The following PARD3B variants were observed in gnomAD, a reference collection of about 807,000 sequenced individuals.
The protein encoded by PARD3B is par-3 family cell polarity regulator beta, also known as partitioning defective 3 homolog B.
Under a neutral mutation model 130.2 loss-of-function variants are expected in PARD3B, and 103 were observed. That is an observed-to-expected ratio of 0.79 (90% CI 0.67 to 0.93). The LOEUF (loss-of-function observed/expected upper bound fraction) is 0.93, where lower values mean the gene tolerates loss of function less well. Among genes scored for constraint, PARD3B ranks in the 40% least tolerant of loss-of-function variants. The pLI, the probability that PARD3B is intolerant of heterozygous loss-of-function variation, is 0.00. For synonymous variants in PARD3B, 583 were observed against 553.2 expected, an observed-to-expected ratio of 1.05 and a Z score of -0.76; for missense variants, 1,609 against 1,499.2, an observed-to-expected ratio of 1.07 and a Z score of -1.21.
intron 18 of PARD3B, among the ~76,000 whole-genome samples, chr2:205,381,807 G>A (rs2045460274): frequency 6.6e-6 from 1 of 152,052 alleles, no homozygotes; most frequent in South Asian, 2.1e-4. Context: ...CAGTTAATGA[G>A]TAGGAAAGGG....
Position 205,134,159 on chromosome 2 carries a change from C to T in PARD3B, c.1434+8422C>T, listed in dbSNP as rs549134401. Among the ~76,000 whole-genome samples, 3 of 152,226 alleles carry T rather than the reference C, an allele frequency of 2.0e-5. No individual in the cohort carries two copies. In the East Asian group the frequency reaches 5.8e-4, roughly 29 times the overall value. ...TCACAAAGCAACTGTGCTTAGTTTC[C>T]ATTTATCTCATTTTAAAGATGAAAG... On this transcript the variant is annotated intron_variant, in intron 10 of 22. Coordinates refer to ENST00000406610, the MANE Select transcript of PARD3B (RefSeq NM_001302769.2).
intron 2 of PARD3B, among the ~76,000 whole-genome samples, chr2:204,851,098 G>A (rs1322612314): frequency 6.6e-6 from 1 of 152,136 alleles, no homozygotes; most frequent in Admixed American, 6.6e-5. Flanking sequence ...ATAGAATGTC[G>A]ATGTTCGAAG....
intron 20 of PARD3B, among the ~76,000 whole-genome samples, chr2:205,490,433 G>C (rs981526453): frequency 9.9e-5 from 15 of 152,138 alleles, no homozygotes; most frequent in African/African-American, 1.4e-4. Flanking sequence ...TCCCTACAAA[G>C]GACATGAATT....
intron 2 of PARD3B, among the ~76,000 whole-genome samples, chr2:204,891,721 C>T (rs907241278): frequency 3.3e-5 from 5 of 152,270 alleles, no homozygotes; most frequent in South Asian, 2.1e-4. Flanking sequence ...TGGAGAGCTA[C>T]CATTTGCCAG....
intron 3 of PARD3B, among the ~76,000 whole-genome samples, chr2:205,035,798 C>CATATATATAT (rs1167207296): frequency 5.3e-5 from 1 of 18,896 alleles, no homozygotes; most frequent in Non-Finnish European, 1.3e-4. Flanking sequence ...AGATATATCT[C>CATATATATAT]ATATATATAT....
chr2:204,883,405 T>TTATATATATATATATATATATAAAATA (rs1447380815), intron 2 of PARD3B, among the ~76,000 whole-genome samples: 4 of 101,318 alleles, frequency 3.9e-5, no homozygotes, highest in African/African-American at 1.4e-4. Flanking sequence ...TATATATATA[T>TTATATATATATATATATATATAAAATA]TATATATATA....
At chr2:205,419,099 C>G (rs767806763) in intron 19 of PARD3B, among the ~76,000 whole-genome samples, 2 of 152,066 alleles carry the variant, frequency 1.3e-5, no homozygotes, top group Non-Finnish European at 2.9e-5. Flanking sequence ...TTGGCTCTCT[C>G]CCCACCCAAA....
At chr2:204,802,293 A>G (rs1235172201) in intron 2 of PARD3B, among the ~76,000 whole-genome samples, 2 of 152,194 alleles carry the variant, frequency 1.3e-5, no homozygotes, top group Non-Finnish European at 1.5e-5. Flanking sequence ...ACAATGAGAT[A>G]CCATGTCATG....
chr2:205,301,363 T>C lies in PARD3B; in HGVS notation c.2393-101T>C. ...CACATAGAAGGGTAGAACTACAGAG[T>C]GCTGTTATTCATTCTTTTGCATTTT... On this transcript the variant is annotated intron_variant, in intron 17 of 22. Transcript: ENST00000406610. The surrounding 1 kb of genome is among the most constrained non-coding windows in gnomAD (Gnocchi z 5.2). 1 of 1,516,600 alleles carries C rather than the reference T, an allele frequency of 6.6e-7. No individual in the cohort carries two copies. Among genetic ancestry groups the C allele is most frequent in the Non-Finnish European group, 8.8e-7 (1 of 1,135,896 alleles). 93.9% of individuals were successfully genotyped at this position (1,516,600 alleles called of 1,614,324 possible).
At chr2:205,240,760 T>C (rs2039316801) in intron 15 of PARD3B, among the ~76,000 whole-genome samples, 1 of 152,222 alleles carries the variant, frequency 6.6e-6, no homozygotes, top group East Asian at 1.9e-4. Context: ...TAGTCACTTA[T>C]GTTATAGAAT....
Position 204,616,437 on chromosome 2 carries a change from A to G in PARD3B, c.121-69744A>G, listed in dbSNP as rs189989101. ...AGTGAGTTACTACTGCACATCTATT[A>G]GAGTGGCCAAGACCCAGGACACTGA... On this transcript the variant is annotated intron_variant, in intron 1 of 22. Transcript: ENST00000406610. Among the ~76,000 whole-genome samples the G allele has an allele frequency of 4.7e-3, 719 of 152,304 alleles. 6 individuals carry two copies. Among genetic ancestry groups the G allele is most frequent in the African/African-American group, 0.017 (694 of 41,580 alleles).
chr2:205,239,942 G>A (rs377316562), intron 15 of PARD3B, among the ~76,000 whole-genome samples: 1 of 152,134 alleles, frequency 6.6e-6, no homozygotes, highest in African/African-American at 2.4e-5. Flanking sequence ...TTTTGTGTGT[G>A]TGGGTGTGGG....
chr2:205,613,998 ATTG>A (rs773356747), intron 22 of PARD3B, among the ~76,000 whole-genome samples: 3 of 152,112 alleles, frequency 2.0e-5, no homozygotes, highest in African/African-American at 7.2e-5. Context: ...TCCCTTAATT[ATTG>A]TTGTTGTTTT....
intron 19 of PARD3B, among the ~76,000 whole-genome samples, chr2:205,429,381 G>A (rs745704618): frequency 6.6e-6 from 1 of 152,142 alleles, no homozygotes; most frequent in African/African-American, 2.4e-5. Context: ...TGCCAAAATT[G>A]TTGAAAGATT....
chr2:205,293,839 T>A (rs1405423607), intron 16 of PARD3B: 1 of 152,130 alleles, frequency 6.6e-6, no homozygotes, highest in Non-Finnish European at 1.5e-5. Context: ...TCATGTTCCT[T>A]TTTTCCTACA....
Position 205,122,960 on chromosome 2 carries a change from G to T in PARD3B, c.1165+1011G>T, listed in dbSNP as rs1387657987. On this transcript the variant is annotated intron_variant, in intron 8 of 22. Coordinates refer to ENST00000406610, the MANE Select transcript of PARD3B (RefSeq NM_001302769.2). The surrounding 1 kb of genome is among the most constrained non-coding windows in gnomAD (Gnocchi z 4.3). ...TTGTATTTTTTGTACAAATGATCCA[G>T]CTGTGTGTAAGACACAGATTTGGGT... Among the ~76,000 whole-genome samples, 1 of 152,154 alleles carries T rather than the reference G, an allele frequency of 6.6e-6. No individual in the cohort carries two copies. The highest frequency in any genetic ancestry group is 1.5e-5 in the Non-Finnish European group (1 of 68,022).
At chr2:205,534,839 G>C (rs1337332205) in intron 21 of PARD3B, among the ~76,000 whole-genome samples, 1 of 152,136 alleles carries the variant, frequency 6.6e-6, no homozygotes, top group Non-Finnish European at 1.5e-5. Context: ...TATTCCTCAT[G>C]CTTAGAAAAG....
chr2:205,489,378 G>A (rs974061838), intron 20 of PARD3B, among the ~76,000 whole-genome samples: 2 of 151,720 alleles, frequency 1.3e-5, no homozygotes, highest in African/African-American at 2.4e-5. Context: ...TTAGGAGGCC[G>A]AGACAGGAGG....
intron 16 of PARD3B, among the ~76,000 whole-genome samples, chr2:205,297,152 T>C (rs1476300284): frequency 6.6e-6 from 1 of 152,134 alleles, no homozygotes; most frequent in African/African-American, 2.4e-5. Context: ...GATGAAAATA[T>C]GAAGAGTCAT....
Sources: gnomAD v4.1 joint callset for allele counts (sites outside exome capture counted in the v4.1 genomes callset) on GRCh38, gnomAD v4.1.1 for gene constraint, Gnocchi (gnomAD v3.1) non-coding constraint, MANE v1.5 for transcripts, NCBI Gene and HGNC (gene_info 2026-07-23, HGNC 2026-07-21) for gene names.